The following ARHGAP32 variants were observed in gnomAD, a reference collection of about 807,000 sequenced individuals.
The protein encoded by ARHGAP32 is Rho GTPase activating protein 32.
In ARHGAP32, 51 loss-of-function variants were observed where a neutral mutation model predicts 186.5. The observed-to-expected ratio is 0.27, with a 90% CI of 0.22 to 0.35. The LOEUF is 0.35. Among genes scored for constraint, ARHGAP32 ranks in the 10% least tolerant of loss-of-function variants. ARHGAP32 has a pLI of 1.00. For missense variants in ARHGAP32, 2,186 were observed against 2,623.5 expected (o/e 0.83, Z 3.64); for synonymous variants, 950 against 964.3 (o/e 0.99, Z 0.27).
intron 5 of ARHGAP32, 113 bp from the exon 6 acceptor site, chr11:129,093,820 T>A: frequency 1.4e-6 from 1 of 711,948 alleles, no homozygotes; most frequent in Non-Finnish European, 2.4e-6. Flanking sequence ...ATCAGCTTAA[T>A]GTGAGACATA....
At chr11:129,047,951 AC>A (rs1440216327) in intron 10 of ARHGAP32, among the ~76,000 whole-genome samples, 2 of 152,178 alleles carry the variant, frequency 1.3e-5, no homozygotes, top group African/African-American at 4.8e-5. Context: ...GTTGCTACAC[AC>A]CAAAGGAAGC....
In ARHGAP32 at chr11:129,179,130, G is replaced by A. The variant is rs371534547; in HGVS notation, c.116+12953C>T. 7.5e-4 allele frequency among the ~76,000 whole-genome samples: 114 copies of A among 151,934 alleles called. No homozygotes were observed. In the Middle Eastern group the frequency reaches 0.017, roughly 23 times the overall value. ...CAAACAACCCCATCAAAAAGTGGGC[G>A]AAGGACATGAACAGACACTTCTCAA... On this transcript the variant is annotated intron_variant, in intron 1 of 22. Transcript: ENST00000682385.
At chr11:129,124,567 T>G (rs1362265937) in intron 3 of ARHGAP32, among the ~76,000 whole-genome samples, 1 of 152,058 alleles carries the variant, frequency 6.6e-6, no homozygotes, top group Non-Finnish European at 1.5e-5. Flanking sequence ...ATCAAACAAC[T>G]GTAAAATAAC....
intron 1 of ARHGAP32, among the ~76,000 whole-genome samples, chr11:129,238,027 AG>A (rs1421420103): frequency 2.0e-5 from 3 of 152,150 alleles, no homozygotes. Flanking sequence ...GTGAGGTAGT[AG>A]GTATGGGGCA....
chr11:129,272,695 G>C (rs970202009), intron 1 of ARHGAP32, among the ~76,000 whole-genome samples: 4 of 152,188 alleles, frequency 2.6e-5, no homozygotes, highest in East Asian at 1.9e-4. Context: ...CTAACTGAAA[G>C]AGGATTCAGT....
At chr11:129,171,980 T>C (rs553229810) in intron 1 of ARHGAP32, among the ~76,000 whole-genome samples, 2 of 152,280 alleles carry the variant, frequency 1.3e-5, no homozygotes, top group Non-Finnish European at 2.9e-5. Flanking sequence ...TTGCCTATTG[T>C]TGACAAAAAG....
At chr11:129,236,710 T>A (rs143577090) in intron 1 of ARHGAP32, among the ~76,000 whole-genome samples, 1 of 152,216 alleles carries the variant, frequency 6.6e-6, no homozygotes, top group Non-Finnish European at 1.5e-5. Context: ...CAGGGACAGT[T>A]TGACTTCCTC....
At chr11:129,134,294 G>A (rs1942888940) in intron 2 of ARHGAP32, among the ~76,000 whole-genome samples, 1 of 151,956 alleles carries the variant, frequency 6.6e-6, no homozygotes, top group Non-Finnish European at 1.5e-5. Context: ...AGTACTTAAT[G>A]ATGAAATATT....
intron 19 of ARHGAP32, among the ~76,000 whole-genome samples, chr11:128,977,558 G>C (rs552712882): frequency 6.6e-6 from 1 of 152,012 alleles, no homozygotes; most frequent in African/African-American, 2.4e-5. Context: ...TTAGTCTCCT[G>C]TCAGTTAGGT....
intron 1 of ARHGAP32, among the ~76,000 whole-genome samples, chr11:129,170,934 C>T (rs1189468114): frequency 1.3e-5 from 2 of 152,134 alleles, no homozygotes; most frequent in African/African-American, 4.8e-5. Context: ...TGTTGAGCTT[C>T]TTTTCATGTT....
At chr11:129,189,577 T>C (rs1944234820) in intron 1 of ARHGAP32, among the ~76,000 whole-genome samples, 1 of 152,220 alleles carries the variant, frequency 6.6e-6, no homozygotes, top group Non-Finnish European at 1.5e-5. Flanking sequence ...AAGGACTAAA[T>C]ATTCTAGTCT....
In ARHGAP32 at chr11:128,967,999, A is replaced by G. The variant is rs971774594; in HGVS notation, c.*908T>C. 6.0e-5 allele frequency: 9 copies of G among 148,910 alleles called. No homozygotes were observed. The highest frequency in any genetic ancestry group is 2.0e-4 in the African/African-American group (8 of 40,164). The allele number at this position is 148,910 out of a possible 1,614,324, so 9.2% of individuals were successfully genotyped here. A position where few individuals can be genotyped will look rare whatever the true frequency, so the allele number is the denominator to read the frequency against. ...AACCAATGGTATGACATGTTTTACT[A>G]GAATTACAATTCACCAAATCTTATT... On this transcript the variant is annotated 3_prime_UTR_variant, in exon 23 of 23. Transcript: ENST00000682385.
Position 129,190,341 on chromosome 11 carries a change from T to C in ARHGAP32, c.116+1742A>G, listed in dbSNP as rs80349712. ...AATGCGTGAGAGACACTACATGAAA[T>C]TGGGCCTTGCCCAGACCTCTTTGTT... On this transcript the variant is annotated intron_variant, in intron 1 of 22. Transcript: ENST00000682385. Among the ~76,000 whole-genome samples the C allele has an allele frequency of 1.1e-3, 162 of 152,316 alleles. 1 individual carries two copies. The highest frequency in any genetic ancestry group is 3.2e-3 in the African/African-American group (131 of 41,584).
chr11:129,197,985 A>G (rs756824245), intron 1 of ARHGAP32, among the ~76,000 whole-genome samples: 8 of 152,234 alleles, frequency 5.3e-5, no homozygotes, highest in Non-Finnish European at 1.0e-4. Flanking sequence ...TCATGAAAAT[A>G]TCAAAAATAA....
At chr11:129,207,834 A>C (rs1045614597) in intron 1 of ARHGAP32, among the ~76,000 whole-genome samples, 1 of 152,212 alleles carries the variant, frequency 6.6e-6, no homozygotes, top group Non-Finnish European at 1.5e-5. Context: ...TGGGCCAGAA[A>C]TAATCTGTTC....
intron 1 of ARHGAP32, among the ~76,000 whole-genome samples, chr11:129,188,585 T>A (rs967339273): frequency 2.6e-5 from 4 of 152,152 alleles, no homozygotes; most frequent in Admixed American, 2.0e-4. Flanking sequence ...TGGTCCACGG[T>A]CCAGGGGTTG....
intron 1 of ARHGAP32, among the ~76,000 whole-genome samples, chr11:129,240,994 A>C (rs1945009927): frequency 6.6e-6 from 1 of 152,224 alleles, no homozygotes; most frequent in South Asian, 2.1e-4. Context: ...TAGGAATGAG[A>C]CATTCCTGAA....
At chr11:129,135,806 C>T (rs1051768875) in intron 2 of ARHGAP32, among the ~76,000 whole-genome samples, 3 of 151,864 alleles carry the variant, frequency 2.0e-5, no homozygotes, top group African/African-American at 7.2e-5. Flanking sequence ...ACCCAAACCT[C>T]ACATCATGCA....
chr11:129,032,746 T>C (rs1939168331), intron 11 of ARHGAP32, among the ~76,000 whole-genome samples: 1 of 152,230 alleles, frequency 6.6e-6, no homozygotes, highest in Non-Finnish European at 1.5e-5. Context: ...TTTTTAAAAA[T>C]GCAAAGTGAC....
Sources: allele counts gnomAD v4.1 joint callset (sites outside exome capture counted in the v4.1 genomes callset), GRCh38; gene constraint gnomAD v4.1.1; transcripts MANE v1.5; gene names NCBI Gene and HGNC (gene_info 2026-07-23, HGNC 2026-07-21).